Variants in BPTF observed in about 807,000 individuals in gnomAD.
The protein encoded by BPTF is nucleosome-remodeling factor subunit BPTF.
BPTF carries 18 observed loss-of-function variants against 292.5 expected under a neutral mutation model. The ratio of observed to expected loss-of-function variants is 0.06; its 90% CI spans 0.04 to 0.09. The LOEUF is 0.09. Ranked by LOEUF, BPTF falls within the 10% of genes least tolerant of loss-of-function variation. BPTF has a pLI of 1.00. For synonymous variants in BPTF, 1,225 were observed against 1,251.9 expected (o/e 0.98, Z 0.45); for missense variants, 2,726 against 3,498.7 (o/e 0.78, Z 5.57).
Position 67,931,835 on chromosome 17 carries a change from G to A in BPTF, c.6151-76G>A, listed in dbSNP as rs945870086. The A allele has an allele frequency of 3.9e-5, 41 of 1,039,592 alleles. No homozygotes were observed. The African/African-American group carries it at 6.1e-4, about 15-fold the overall frequency. The allele number at this position is 1,039,592 out of a possible 1,614,324, so 64.4% of individuals were successfully genotyped here. A position where few individuals can be genotyped will look rare whatever the true frequency, so the allele number is the denominator to read the frequency against. ...TTTTTATTAATATAGAATGTTTAAAGATCTTGTGTTCTAAGTCCATTATAC... is the reference window on the plus strand; with the variant it reads ...TTTTTATTAATATAGAATGTTTAAAAATCTTGTGTTCTAAGTCCATTATAC... On this transcript the variant is annotated intron_variant, in intron 17 of 27. Coordinates refer to ENST00000306378, the MANE Select transcript of BPTF (RefSeq NM_182641.4).
intron 1 of BPTF, among the ~76,000 whole-genome samples, chr17:67,844,962 C>T (rs962889051): frequency 5.3e-5 from 8 of 152,160 alleles, no homozygotes; most frequent in African/African-American, 9.7e-5. Context: ...AGGCTGGTCA[C>T]GAACTTCCAA....
chr17:67,924,138 C>G (rs1023769649), intron 14 of BPTF, among the ~76,000 whole-genome samples: 1 of 152,184 alleles, frequency 6.6e-6, no homozygotes, highest in Non-Finnish European at 1.5e-5. Context: ...ACCACCATGC[C>G]TGGCTAATTT....
intron 9 of BPTF, among the ~76,000 whole-genome samples, chr17:67,905,135 C>T (rs1469397760): frequency 7.2e-5 from 11 of 152,208 alleles, no homozygotes; most frequent in East Asian, 5.8e-4. Flanking sequence ...GGCAGCCAGG[C>T]GCGGTGGTTC....
At chr17:67,845,305 G>A (rs1320052112) in intron 1 of BPTF, among the ~76,000 whole-genome samples, 2 of 152,182 alleles carry the variant, frequency 1.3e-5, no homozygotes, top group African/African-American at 2.4e-5. Flanking sequence ...AGTAGTTTTA[G>A]GATCTGTTGA....
At chr17:67,903,940 T>C (rs2062013907) in intron 8 of BPTF, 22 bp downstream of exon 8, 10 of 1,567,510 alleles carry the variant, frequency 6.4e-6, no homozygotes, top group Non-Finnish European at 8.6e-6. Context: ...AACAACCCTT[T>C]AAAATAGTGT....
intron 13 of BPTF, among the ~76,000 whole-genome samples, chr17:67,920,476 G>A (rs1175204962): frequency 6.6e-6 from 1 of 152,154 alleles, no homozygotes; most frequent in Admixed American, 6.6e-5. Flanking sequence ...AGCTAGTACC[G>A]AGTCTGATAT....
chr17:67,918,904 C>A, intron 12 of BPTF, 66 bp downstream of exon 12: 1 of 1,538,912 alleles, frequency 6.5e-7, no homozygotes, highest in Non-Finnish European at 8.9e-7. Context: ...CAGGCGTGGG[C>A]GCTCATGCCT....
At chr17:67,948,394 A>T (rs1242526999) in intron 23 of BPTF, 88 bp downstream of exon 23, 55 of 1,218,410 alleles carry the variant, frequency 4.5e-5, no homozygotes, top group Non-Finnish European at 6.0e-5. Flanking sequence ...AAAGCTTAAA[A>T]TTTCAGTATG....
chr17:67,971,821 C>G (rs1250799717), intron 26 of BPTF, among the ~76,000 whole-genome samples: 1 of 137,122 alleles, frequency 7.3e-6, no homozygotes, highest in Non-Finnish European at 1.6e-5. Context: ...GAGTGAGACT[C>G]CATCTCAAAA....
In BPTF at chr17:67,913,007, A is replaced by G. The variant is rs1479452929; in HGVS notation, c.5123A>G (p.Tyr1708Cys). The G allele has an allele frequency of 6.2e-7, 1 of 1,614,228 alleles. No individual in the cohort carries two copies. Among genetic ancestry groups the G allele is most frequent in the Non-Finnish European group, 8.5e-7 (1 of 1,180,038 alleles). The change falls in exon 11 of 28, where the codon TAT (tyrosine) becomes TGT (cysteine). Residue 1708 changes from tyrosine (Y) to cysteine (C), a missense_variant. This residue lies in a region of BPTF where 24 missense variants were observed against 57.5 expected (regional missense o/e 0.42). Transcript: ENST00000306378. ...CGTTCAGGTACAGCTCTGCCATCCT[A>G]TAGAAAATTTGTTACCAAGAGCAGC... Reference protein sequence around the residue: ...KTRSGTALPSYRKFVTKSSKK... With the variant: ...KTRSGTALPSCRKFVTKSSKK...
chr17:67,913,483 G>A (rs947699390), intron 11 of BPTF, among the ~76,000 whole-genome samples: 1 of 152,000 alleles, frequency 6.6e-6, no homozygotes, highest in Non-Finnish European at 1.5e-5. Flanking sequence ...TTGTTTTTGT[G>A]GTCTGATTTT....
intron 2 of BPTF, among the ~76,000 whole-genome samples, chr17:67,862,719 T>C (rs2059156876): frequency 6.6e-6 from 1 of 152,026 alleles, no homozygotes; most frequent in Non-Finnish European, 1.5e-5. Context: ...ACAGTAGAAA[T>C]TGATTATTTA....
chr17:67,926,641 A>C (rs2063931309), intron 15 of BPTF, among the ~76,000 whole-genome samples: 1 of 152,164 alleles, frequency 6.6e-6, no homozygotes, highest in Admixed American at 6.5e-5. Context: ...TACTTTAAAA[A>C]ATTTATTTAA....
intron 25 of BPTF, chr17:67,964,955 C>CAT (rs1555686333): frequency 1.6e-5 from 2 of 121,726 alleles, no homozygotes; most frequent in Non-Finnish European, 3.3e-5. Flanking sequence ...GCCGAGATGG[C>CAT]GCCACTGCAC....
chr17:67,863,311 C>T (rs542997570), intron 2 of BPTF, among the ~76,000 whole-genome samples: 25 of 152,202 alleles, frequency 1.6e-4, no homozygotes, highest in African/African-American at 5.5e-4. Context: ...TTTTGAGACA[C>T]GGAGTCTCTG....
chr17:67,864,550 A>C (rs1279806812), intron 2 of BPTF, among the ~76,000 whole-genome samples: 1 of 151,408 alleles, frequency 6.6e-6, no homozygotes, highest in Non-Finnish European at 1.5e-5. Flanking sequence ...AAAAAAGGAA[A>C]AGAAAAAAGT....
intron 4 of BPTF, chr17:67,875,620 T>C: frequency 1.2e-6 from 2 of 1,600,532 alleles, no homozygotes; most frequent in East Asian, 2.3e-5. Flanking sequence ...ACACAACAAA[T>C]GCAACTTCAG....
In BPTF at chr17:67,960,837, G is replaced by A. The variant is rs188153444; in HGVS notation, c.8261+962G>A. ...TTGCAACATTGAAGCTGCTTTGGTGGTGCTATCTAAATGATAATCTGTTTG... is the reference window on the plus strand; with the variant it reads ...TTGCAACATTGAAGCTGCTTTGGTGATGCTATCTAAATGATAATCTGTTTG... On this transcript the variant is annotated intron_variant, in intron 24 of 27. Transcript: ENST00000306378. Among the ~76,000 whole-genome samples the A allele has an allele frequency of 2.0e-5, 3 of 152,276 alleles. No individual in the cohort carries two copies. The East Asian group carries it at 5.8e-4, about 29-fold the overall frequency.
At chr17:67,972,708 A>G (rs1183875679) in intron 26 of BPTF, among the ~76,000 whole-genome samples, 3 of 151,950 alleles carry the variant, frequency 2.0e-5, no homozygotes, top group Non-Finnish European at 2.9e-5. Flanking sequence ...ATACTCACCT[A>G]TGTGTTCTCC....
Sources: allele counts gnomAD v4.1 joint callset (sites outside exome capture counted in the v4.1 genomes callset), GRCh38; gene constraint gnomAD v4.1.1; regional missense constraint gnomAD v4.1.1; transcripts MANE v1.5; gene names NCBI Gene and HGNC (gene_info 2026-07-23, HGNC 2026-07-21).